CNTNAP2: variants seen among roughly 807,000 people sequenced by gnomAD.
CNTNAP2 encodes the protein contactin-associated protein-like 2.
CNTNAP2 carries 98 observed loss-of-function variants against 155.2 expected under a neutral mutation model. The ratio of observed to expected loss-of-function variants is 0.63; its 90% CI spans 0.54 to 0.75. The LOEUF is 0.75. Among genes scored for constraint, CNTNAP2 ranks in the 30% least tolerant of loss-of-function variants. The pLI is 0.00. For synonymous variants in CNTNAP2, 651 were observed against 631.2 expected, an observed-to-expected ratio of 1.03 and a Z score of -0.47; for missense variants, 1,727 against 1,688.1, an observed-to-expected ratio of 1.02 and a Z score of -0.40.
chr7:147,821,947 T>A (rs1380892731), intron 13 of CNTNAP2, among the ~76,000 whole-genome samples: 1 of 151,856 alleles, frequency 6.6e-6, no homozygotes, highest in Non-Finnish European at 1.5e-5. Flanking sequence ...AATAACAGAT[T>A]AAGAAGGGGT....
At chr7:147,945,847 CTTTTCTTTTT>C (rs1299198482) in intron 14 of CNTNAP2, among the ~76,000 whole-genome samples, 1 of 148,174 alleles carries the variant, frequency 6.7e-6, no homozygotes, top group Admixed American at 6.8e-5. Flanking sequence ...CTTCTCTTTT[CTTTTCTTTTT>C]TTTTCTTTTT....
intron 8 of CNTNAP2, among the ~76,000 whole-genome samples, chr7:147,239,453 T>G (rs1803890848): frequency 6.8e-6 from 1 of 146,586 alleles, no homozygotes; most frequent in Non-Finnish European, 1.5e-5. Flanking sequence ...GGGGTTGCAG[T>G]GAGCTGAGAT....
chr7:146,655,155 G>A (rs890974541), intron 1 of CNTNAP2, among the ~76,000 whole-genome samples: 4 of 151,860 alleles, frequency 2.6e-5, no homozygotes, highest in South Asian at 2.1e-4. Context: ...AAAGATATCT[G>A]TAATCCCAGC....
chr7:146,886,035 T>A, intron 3 of CNTNAP2, among the ~76,000 whole-genome samples: 1 of 151,720 alleles, frequency 6.6e-6, no homozygotes, highest in Non-Finnish European at 1.5e-5. Context: ...TACAAATTAC[T>A]CTAAAACGAT....
chr7:147,297,923 T>G (rs571833000), intron 8 of CNTNAP2, among the ~76,000 whole-genome samples: 1 of 152,286 alleles, frequency 6.6e-6, no homozygotes, highest in Admixed American at 6.5e-5. Flanking sequence ...TTTCTTCCTT[T>G]TGGGTATATA....
At chr7:147,414,848 G>A (rs1797162879) in intron 10 of CNTNAP2, among the ~76,000 whole-genome samples, 1 of 146,512 alleles carries the variant, frequency 6.8e-6, no homozygotes, top group African/African-American at 2.5e-5. Context: ...GGCTGAGGCA[G>A]GAGAATGGCG....
intron 13 of CNTNAP2, among the ~76,000 whole-genome samples, chr7:147,738,624 C>A (rs10271321): frequency 6.6e-6 from 1 of 150,978 alleles, no homozygotes; most frequent in Non-Finnish European, 1.5e-5. Flanking sequence ...TGCACACTAA[C>A]TAGACACAGT....
intron 1 of CNTNAP2, among the ~76,000 whole-genome samples, chr7:146,443,313 A>T (rs993724581): frequency 2.0e-5 from 3 of 152,120 alleles, no homozygotes; most frequent in African/African-American, 7.2e-5. Flanking sequence ...AAAAATAATT[A>T]TACTTTACGA....
rs966944799 is a variant in CNTNAP2, at chr7:148,143,712, A to G, written c.2555-3779A>G. Among the ~76,000 whole-genome samples the G allele has an allele frequency of 5.9e-5, 9 of 152,150 alleles. No homozygotes were observed. The South Asian group carries it at 6.2e-4, about 11-fold the overall frequency. ...CAAATAAAGAATTTTTAAAAGTTGA[A>G]CAATGTCAGCCATGACCCAGGCTCA... On this transcript the variant is annotated intron_variant, in intron 16 of 23. Coordinates refer to ENST00000361727, the MANE Select transcript of CNTNAP2 (RefSeq NM_014141.6).
intron 1 of CNTNAP2, among the ~76,000 whole-genome samples, chr7:146,391,772 TTG>T (rs68002961): frequency 0.13 from 20,259 of 151,526 alleles, 1,651 homozygotes; most frequent in African/African-American, 0.23. Flanking sequence ...GTTGTTGTTG[TTG>T]TTGGCTAAAT....
chr7:148,068,322 C>T (rs551491799), intron 15 of CNTNAP2, among the ~76,000 whole-genome samples: 1 of 152,204 alleles, frequency 6.6e-6, no homozygotes, highest in Admixed American at 6.5e-5. Context: ...GAAACGGCTT[C>T]CCTGGGCACC....
intron 16 of CNTNAP2, among the ~76,000 whole-genome samples, chr7:148,129,346 C>A (rs925932512): frequency 6.6e-6 from 1 of 152,006 alleles, no homozygotes; most frequent in Non-Finnish European, 1.5e-5. Flanking sequence ...ATGCGATGCT[C>A]GAAAATAACC....
chr7:146,504,582 A>G (rs191947204), intron 1 of CNTNAP2, among the ~76,000 whole-genome samples: 213 of 152,294 alleles, frequency 1.4e-3, no homozygotes, highest in African/African-American at 4.8e-3. Flanking sequence ...CTCAAGTGTT[A>G]TGCTCTGGAA....
chr7:147,295,622 C>A (rs1435319872), intron 8 of CNTNAP2, among the ~76,000 whole-genome samples: 1 of 152,164 alleles, frequency 6.6e-6, no homozygotes, highest in Admixed American at 6.5e-5. Context: ...TCATGAAATT[C>A]TATTCTTCTC....
chr7:146,645,210 C>G (rs1256379165), intron 1 of CNTNAP2, among the ~76,000 whole-genome samples: 1 of 152,054 alleles, frequency 6.6e-6, no homozygotes, highest in Admixed American at 6.6e-5. Flanking sequence ...ATTTACAATT[C>G]CCTGAATGAA....
At chr7:147,383,735 A>G (rs1796580089) in intron 9 of CNTNAP2, among the ~76,000 whole-genome samples, 1 of 152,072 alleles carries the variant, frequency 6.6e-6, no homozygotes, top group Admixed American at 6.6e-5. Context: ...ATGTGTACCT[A>G]TATAGCAAAC....
chr7:147,564,030 A>G (rs924763880), intron 12 of CNTNAP2, among the ~76,000 whole-genome samples: 4 of 152,088 alleles, frequency 2.6e-5, no homozygotes, highest in African/African-American at 9.7e-5. Context: ...TAGTGAGACC[A>G]CATCTCTATT....
chr7:146,902,528 A>C (rs1438318314), intron 3 of CNTNAP2, among the ~76,000 whole-genome samples: 1 of 152,172 alleles, frequency 6.6e-6, no homozygotes, highest in Admixed American at 6.5e-5. Flanking sequence ...AAACTGTATA[A>C]AGGGTATGCA....
chr7:148,166,547 G>A (rs189620341), intron 17 of CNTNAP2, among the ~76,000 whole-genome samples: 253 of 151,770 alleles, frequency 1.7e-3, no homozygotes, highest in Non-Finnish European at 3.0e-3. Context: ...TAATTTAATA[G>A]CCGATTATTT....
Sources: gnomAD v4.1 joint callset for allele counts (sites outside exome capture counted in the v4.1 genomes callset) on GRCh38, gnomAD v4.1.1 for gene constraint, MANE v1.5 for transcripts, NCBI Gene and HGNC (gene_info 2026-07-23, HGNC 2026-07-21) for gene names.